CCDC181: variants seen among roughly 807,000 people sequenced by gnomAD.
CCDC181 encodes the protein coiled-coil domain-containing protein 181.
A neutral mutation model predicts 58.7 loss-of-function variants in CCDC181; 35 were observed. The ratio of observed to expected loss-of-function variants is 0.60; its 90% CI spans 0.46 to 0.79. The LOEUF is 0.79. Among genes scored for constraint, CCDC181 ranks in the 30% least tolerant of loss-of-function variants. The probability of loss-of-function intolerance (pLI) is 0.00; values close to 1 mark genes in which losing one functional copy is unlikely to be tolerated. For synonymous variants in CCDC181, 183 were observed against 197.5 expected, an observed-to-expected ratio of 0.93 and a Z score of 0.62; for missense variants, 517 against 583.9, an observed-to-expected ratio of 0.89 and a Z score of 1.18.
At chr1:169,401,843 TAAC>T (rs1416559804) in intron 4 of CCDC181, among the ~76,000 whole-genome samples, 1 of 151,962 alleles carries the variant, frequency 6.6e-6, no homozygotes, top group Non-Finnish European at 1.5e-5. Context: ...CAATCGGTAA[TAAC>T]AAACTTCTCC....
chr1:169,422,182 G>T lies in CCDC181; in HGVS notation c.249C>A (p.Ile83=), dbSNP rs141387914. 19 of 1,613,742 alleles carry T rather than the reference G, an allele frequency of 1.2e-5. No homozygotes were observed. In the African/African-American group the frequency reaches 2.3e-4, roughly 19 times the overall value. Residue 83 remains isoleucine, a synonymous_variant, in exon 3 of 6, where the codon ATC becomes ATA. Coordinates refer to ENST00000367806, the MANE Select transcript of CCDC181 (RefSeq NM_001300969.2). ...QDEVSPRRND[I]ISVPGIQPLD... ...AAGGTTGAATACCTGGTACAGAAAT[G>T]ATGTCATTTCTTCTTGGTGAGACCT...
At chr1:169,429,241 A>G (rs1183230118), upstream of CCDC181, among the ~76,000 whole-genome samples, 1 of 152,034 alleles carries the variant, frequency 6.6e-6, no homozygotes, top group Non-Finnish European at 1.5e-5. Flanking sequence ...TATTTTTGTA[A>G]TTGCGAATTG....
At chr1:169,448,548 C>T (rs1420349904) in intron 2 of CCDC181, among the ~76,000 whole-genome samples, 2 of 151,962 alleles carry the variant, frequency 1.3e-5, no homozygotes, top group Non-Finnish European at 2.9e-5. Flanking sequence ...AAGAAATCTG[C>T]TGCAATTCTT....
chr1:169,427,994 G>T (rs1656788602), upstream of CCDC181, among the ~76,000 whole-genome samples: 1 of 152,150 alleles, frequency 6.6e-6, no homozygotes, highest in Non-Finnish European at 1.5e-5. Flanking sequence ...AAGTTGAGAT[G>T]ATTTTAACAA....
chr1:169,401,811 GT>G (rs756265805), intron 4 of CCDC181, among the ~76,000 whole-genome samples: 4 of 152,218 alleles, frequency 2.6e-5, no homozygotes, highest in Non-Finnish European at 4.4e-5. Context: ...ACTTTGATGA[GT>G]TGAGAGAAGA....
chr1:169,401,697 GA>G (rs1349461767), intron 4 of CCDC181, among the ~76,000 whole-genome samples: 1 of 152,180 alleles, frequency 6.6e-6, no homozygotes, highest in Non-Finnish European at 1.5e-5. Context: ...CAAAGATGGG[GA>G]GAAACCAGAG....
At chr1:169,440,125 G>A (rs983566041) in intron 2 of CCDC181, among the ~76,000 whole-genome samples, 3 of 152,116 alleles carry the variant, frequency 2.0e-5, no homozygotes, top group African/African-American at 7.2e-5. Flanking sequence ...CCTTTTCTGG[G>A]GAACTGCTCT....
upstream of CCDC181, among the ~76,000 whole-genome samples, chr1:169,429,881 C>T (rs2179107): frequency 0.06 from 9,100 of 152,216 alleles, 1,417 homozygotes; most frequent in East Asian, 0.67. Flanking sequence ...TCTTTGCCAA[C>T]GCCAATGTCT....
At chr1:169,435,463 A>G (rs1009240260) in intron 2 of CCDC181, among the ~76,000 whole-genome samples, 16 of 152,192 alleles carry the variant, frequency 1.1e-4, no homozygotes, top group African/African-American at 3.9e-4. Flanking sequence ...TGTGGAGTTG[A>G]ACATGTAAGA....
At chr1:169,419,304 A>G in intron 3 of CCDC181, 145 bp from the exon 4 acceptor site, 7 of 998,074 alleles carry the variant, frequency 7.0e-6, no homozygotes, top group East Asian at 2.7e-5. Flanking sequence ...TCTAGGCCAG[A>G]CACGGTGGCT....
chr1:169,438,260 C>T (rs1156647394), intron 2 of CCDC181, among the ~76,000 whole-genome samples: 1 of 151,898 alleles, frequency 6.6e-6, no homozygotes, highest in Non-Finnish European at 1.5e-5. Flanking sequence ...TACACTTACA[C>T]TTACAAACAC....
intron 2 of CCDC181, among the ~76,000 whole-genome samples, chr1:169,433,242 AG>A (rs1656966917): frequency 1.3e-5 from 2 of 152,208 alleles, no homozygotes; most frequent in African/African-American, 2.4e-5. Context: ...AATATAAAAA[AG>A]AATAAAATAC....
intron 4 of CCDC181, among the ~76,000 whole-genome samples, chr1:169,403,544 C>T (rs1655475597): frequency 2.0e-5 from 3 of 152,216 alleles, no homozygotes; most frequent in Admixed American, 2.0e-4. Flanking sequence ...ACTGAACAAC[C>T]TGCTCCTGAA....
rs749352750 is a variant in CCDC181 at position 169,421,453 on chromosome 1, G to A, written c.978C>T (p.Ile326=). 22 of 1,614,058 alleles carry A rather than the reference G, an allele frequency of 1.4e-5. No individual in the cohort carries two copies. Among genetic ancestry groups the A allele is most frequent in the Admixed American group, 8.3e-5 (5 of 59,986 alleles). Residue 326 remains isoleucine, a synonymous_variant, in exon 3 of 6, where the codon ATC becomes ATT. Transcript: ENST00000367806. ...GACAGTATGTTGAAGTCACTGGTGA[G>A]ATATGTGCAGACTGTGTCCTGTGAT... ...KSNHRTQSAH[I]SPVTSTYCLS... is the part of the protein sequence containing the mutation.
At position 169,394,883 on chromosome 1, in the gene CCDC181, A is replaced by T; in HGVS notation, c.*164T>A. 1 of 575,764 alleles carries T rather than the reference A, an allele frequency of 1.7e-6. No individual in the cohort carries two copies. The highest frequency in any genetic ancestry group is 2.9e-6 in the Non-Finnish European group (1 of 350,550). 35.7% of individuals were successfully genotyped at this position (575,764 alleles called of 1,614,324 possible). ...TGGCACAACACATTACAACACTGTG[A>T]GAAAAAAATTTATTTTGTTCTAGTA... On this transcript the variant is annotated 3_prime_UTR_variant, in exon 6 of 6. Coordinates refer to ENST00000367806, the MANE Select transcript of CCDC181 (RefSeq NM_001300969.2).
chr1:169,456,327 G>T (rs61808977), intron 2 of CCDC181, among the ~76,000 whole-genome samples: 18,406 of 152,110 alleles, frequency 0.12, 1,180 homozygotes, highest in Admixed American at 0.15. Flanking sequence ...CACAAAGCCA[G>T]GTTGCATTGT....
intron 5 of CCDC181, among the ~76,000 whole-genome samples, chr1:169,396,897 C>T (rs1053495528): frequency 6.6e-6 from 1 of 152,072 alleles, no homozygotes; most frequent in Non-Finnish European, 1.5e-5. Flanking sequence ...GTAGGAGAAG[C>T]TGTAACCAAT....
chr1:169,431,387 T>A (rs867883377), upstream of CCDC181, among the ~76,000 whole-genome samples: 8 of 152,206 alleles, frequency 5.3e-5, no homozygotes, highest in Non-Finnish European at 8.8e-5. Context: ...GACTCAAATG[T>A]CCATCAAATG....
chr1:169,426,282 C>G (rs1656706262), intron 1 of CCDC181, among the ~76,000 whole-genome samples: 1 of 152,164 alleles, frequency 6.6e-6, no homozygotes, highest in Admixed American at 6.5e-5. Flanking sequence ...ATCTTCATCA[C>G]CAGGGTACTG....
Sources: gnomAD v4.1 joint callset for allele counts (sites outside exome capture counted in the v4.1 genomes callset) on GRCh38, gnomAD v4.1.1 for gene constraint, MANE v1.5 for transcripts, NCBI Gene and HGNC (gene_info 2026-07-23, HGNC 2026-07-21) for gene names.